The following GALNT17 variants were observed in gnomAD, a reference collection of about 807,000 sequenced individuals.
GALNT17 encodes UDP-GalNAc:polypeptide N-acetylgalactosaminyltransferase-like 3.
GALNT17 carries 29 observed loss-of-function variants against 63.7 expected under a neutral mutation model. The ratio of observed to expected loss-of-function variants is 0.46; its 90% CI spans 0.34 to 0.62. The LOEUF (loss-of-function observed/expected upper bound fraction) is 0.62. Ranked by LOEUF, GALNT17 falls within the 20% of genes least tolerant of loss-of-function variation. The pLI is 0.01. For missense variants in GALNT17, 603 were observed against 799.6 expected (o/e 0.75, Z 2.97); for synonymous variants, 305 against 318.3 (o/e 0.96, Z 0.45).
chr7:71,310,734 G>C (rs1173641697), intron 1 of GALNT17, among the ~76,000 whole-genome samples: 1 of 152,222 alleles, frequency 6.6e-6, no homozygotes, highest in Non-Finnish European at 1.5e-5. Context: ...CTTTTCAGAA[G>C]ACTTTCCTTT....
intron 5 of GALNT17, among the ~76,000 whole-genome samples, chr7:71,554,864 G>A (rs79252370): frequency 6.6e-6 from 1 of 152,302 alleles, no homozygotes; most frequent in African/African-American, 2.4e-5. Flanking sequence ...ATTAGCTTCT[G>A]TGTGTGTCTG....
At chr7:71,222,739 G>A (rs1162051387) in intron 1 of GALNT17, among the ~76,000 whole-genome samples, 1 of 152,154 alleles carries the variant, frequency 6.6e-6, no homozygotes, top group East Asian at 1.9e-4. Context: ...TGCATCATAT[G>A]TCTTACTACT....
At chr7:71,175,751 A>G (rs1287799574) in intron 1 of GALNT17, among the ~76,000 whole-genome samples, 1 of 152,138 alleles carries the variant, frequency 6.6e-6, no homozygotes, top group African/African-American at 2.4e-5. Flanking sequence ...AATAATGACA[A>G]CAGGCTAGGC....
chr7:71,395,557 C>T (rs1014599937), intron 3 of GALNT17, among the ~76,000 whole-genome samples: 2 of 152,158 alleles, frequency 1.3e-5, no homozygotes, highest in Admixed American at 1.3e-4. Flanking sequence ...TATTCATGTA[C>T]ACATTTTTGT....
chr7:71,626,519 G>A (rs918983598), intron 6 of GALNT17, among the ~76,000 whole-genome samples: 1 of 152,172 alleles, frequency 6.6e-6, no homozygotes, highest in Non-Finnish European at 1.5e-5. Context: ...TTTCCAGGCT[G>A]TTGCTTTGAA....
chr7:71,374,916 C>T (rs1030483776), intron 2 of GALNT17, among the ~76,000 whole-genome samples: 16 of 149,902 alleles, frequency 1.1e-4, no homozygotes, highest in Middle Eastern at 3.4e-3. Context: ...CTTGGCTCAC[C>T]GCAAACTCCA....
chr7:71,398,710 G>A (rs1420083085), intron 3 of GALNT17, among the ~76,000 whole-genome samples: 1 of 152,190 alleles, frequency 6.6e-6, no homozygotes, highest in African/African-American at 2.4e-5. Flanking sequence ...TATTGCTTAA[G>A]GGTATGGGAT....
intron 1 of GALNT17, among the ~76,000 whole-genome samples, chr7:71,205,767 A>G (rs1789260737): frequency 6.6e-6 from 1 of 152,158 alleles, no homozygotes; most frequent in Admixed American, 6.5e-5. Context: ...ATCAAAACAC[A>G]GGATTTCTGC....
intron 3 of GALNT17, among the ~76,000 whole-genome samples, chr7:71,413,651 A>G (rs1276046424): frequency 6.6e-6 from 1 of 151,782 alleles, no homozygotes; most frequent in African/African-American, 2.4e-5. Flanking sequence ...GCCTTCCTAT[A>G]ATTTTTAAAC....
At chr7:71,220,258 T>G (rs1363663267) in intron 1 of GALNT17, among the ~76,000 whole-genome samples, 1 of 152,218 alleles carries the variant, frequency 6.6e-6, no homozygotes, top group Non-Finnish European at 1.5e-5. Context: ...GGGTGAGCTC[T>G]GATTGGTTGG....
chr7:71,650,812 C>A (rs1790743273), intron 6 of GALNT17, among the ~76,000 whole-genome samples: 1 of 152,096 alleles, frequency 6.6e-6, no homozygotes, highest in Admixed American at 6.6e-5. Context: ...GCTTCTACAC[C>A]AAAGGTTCTA....
chr7:71,494,619 A>G (rs536140526), intron 5 of GALNT17, among the ~76,000 whole-genome samples: 2 of 152,234 alleles, frequency 1.3e-5, no homozygotes, highest in Non-Finnish European at 2.9e-5. Context: ...TTGGCCTCCC[A>G]AACTATTGGG....
intron 2 of GALNT17, among the ~76,000 whole-genome samples, chr7:71,339,594 G>A (rs1380181489): frequency 1.3e-5 from 2 of 152,106 alleles, no homozygotes; most frequent in African/African-American, 4.8e-5. Context: ...GGAGACTGAG[G>A]CAGGAGAATG....
chr7:71,162,119 CCCTCCCTTCCTTCCTTCCTT>C (rs1562875683), intron 1 of GALNT17, among the ~76,000 whole-genome samples: 261 of 34,444 alleles, frequency 7.6e-3, no homozygotes, highest in African/African-American at 0.041. Flanking sequence ...CTCCCTCCCT[CCCTCCCTTCCTTCCTTCCTT>C]CCTTCCTTCC....
intron 5 of GALNT17, among the ~76,000 whole-genome samples, chr7:71,506,112 C>T (rs558261728): frequency 6.6e-6 from 1 of 152,312 alleles, no homozygotes; most frequent in South Asian, 2.1e-4. Context: ...CTGACCATTA[C>T]ACCTTCTATG....
At chr7:71,521,996 T>C (rs181082838) in intron 5 of GALNT17, among the ~76,000 whole-genome samples, 5 of 152,266 alleles carry the variant, frequency 3.3e-5, no homozygotes, top group Admixed American at 3.3e-4. Flanking sequence ...AACAAAAATA[T>C]CAAAGTACAG....
At position 71,377,114 on chromosome 7, in the gene GALNT17, A is replaced by AAAAAATATATATATAT; in HGVS notation, c.423-11120_423-11119insAAAATATATATATATA. 2.1e-4 allele frequency among the ~76,000 whole-genome samples: 12 copies of AAAAAATATATATATAT among 57,450 alleles called. 1 individual carries two copies. Among genetic ancestry groups the AAAAAATATATATATAT allele is most frequent in the African/African-American group, 5.6e-4 (6 of 10,668 alleles). 37.7% of individuals were successfully genotyped at this position (57,450 alleles called of 152,430 possible). On this transcript the variant is annotated intron_variant, in intron 2 of 10. Transcript: ENST00000333538. The stretch of plus-strand genomic sequence containing the variant: ...AAAAAAAAAAAATAAAAATAAAAAA[A>AAAAAATATATATATAT]ATATATATATATATATATATATATA...
chr7:71,228,706 T>G (rs1789727240), intron 1 of GALNT17, among the ~76,000 whole-genome samples: 2 of 152,224 alleles, frequency 1.3e-5, no homozygotes, highest in South Asian at 4.1e-4. Context: ...TTCTCCTGCA[T>G]GTGTCTATTG....
intron 1 of GALNT17, among the ~76,000 whole-genome samples, chr7:71,194,729 C>T (rs886608829): frequency 6.6e-6 from 1 of 152,174 alleles, no homozygotes; most frequent in Non-Finnish European, 1.5e-5. Context: ...CTTCCAGCTC[C>T]AAACTTTATT....
Sources: allele counts gnomAD v4.1 joint callset (sites outside exome capture counted in the v4.1 genomes callset), GRCh38; gene constraint gnomAD v4.1.1; transcripts MANE v1.5; gene names NCBI Gene and HGNC (gene_info 2026-07-23, HGNC 2026-07-21).